Variants in AVEN observed in about 807,000 individuals in gnomAD.
The protein encoded by AVEN is cell death regulator Aven.
In AVEN, 41 loss-of-function variants were observed where a neutral mutation model predicts 38.1. The ratio of observed to expected loss-of-function variants is 1.08; its 90% CI spans 0.84 to 1.40. AVEN has a LOEUF of 1.40. Among genes scored for constraint, AVEN ranks in the 40% most tolerant of loss-of-function variants. The probability of loss-of-function intolerance (pLI) is 0.00; values close to 1 mark genes in which losing one functional copy is unlikely to be tolerated. For missense variants in AVEN, 605 were observed against 438.8 expected (o/e 1.38, Z -3.38); for synonymous variants, 206 against 171.8 (o/e 1.20, Z -1.56).
chr15:34,021,442 T>C (rs906472225), intron 1 of AVEN, among the ~76,000 whole-genome samples: 5 of 151,698 alleles, frequency 3.3e-5, no homozygotes, highest in Non-Finnish European at 7.4e-5. Context: ...CACACCACCA[T>C]GCCCAGCTAA....
rs2153017028 is a variant in AVEN, at chr15:33,860,794, T to G, written n.2730-1700A>C. ...ACGCAGTTTGTTTTCCATGCCCTGT[T>G]CTCTGCACCCTGCCATACCCCTGCC... On this transcript the variant is annotated intron_variant and non_coding_transcript_variant, in intron 11 of 11. Transcript: ENST00000675287. 4.1e-6 allele frequency: 3 copies of G among 739,374 alleles called. No homozygotes were observed. The South Asian group carries it at 5.5e-5, about 14-fold the overall frequency. The allele number at this position is 739,374 out of a possible 1,614,324, so 45.8% of individuals were successfully genotyped here.
chr15:33,942,448 C>CT (rs1296750160), intron 2 of AVEN, among the ~76,000 whole-genome samples: 10 of 149,476 alleles, frequency 6.7e-5, no homozygotes, highest in East Asian at 3.9e-4. Flanking sequence ...AGTTTTTTAT[C>CT]TTTTTTTTTT....
At chr15:33,953,165 T>C (rs1023642680) in intron 2 of AVEN, among the ~76,000 whole-genome samples, 1 of 152,200 alleles carries the variant, frequency 6.6e-6, no homozygotes. Context: ...GAACATTCCA[T>C]GCTCATGGAT....
chr15:33,985,848 G>A (rs1437399823), intron 2 of AVEN, among the ~76,000 whole-genome samples: 1 of 152,046 alleles, frequency 6.6e-6, no homozygotes, highest in African/African-American at 2.4e-5. Flanking sequence ...AAAAATAGAA[G>A]TTCAAGAAAT....
chr15:33,867,616 T>A lies in AVEN; in HGVS notation c.852A>T (p.Glu284Asp), dbSNP rs779889066. The A allele has an allele frequency of 6.2e-7, 1 of 1,614,220 alleles. No individual in the cohort carries two copies. Among genetic ancestry groups the A allele is most frequent in the Non-Finnish European group, 8.5e-7 (1 of 1,180,046 alleles). ...CTAAATTAAGCAACAGATCTAGTTCTTCTTCCAAATGGTCTCCTGCTGACT... is the reference window on the plus strand; with the variant it reads ...CTAAATTAAGCAACAGATCTAGTTCATCTTCCAAATGGTCTCCTGCTGACT... ...PLQSAGDHLE[E>D]ELDLLLNLDA... The change falls in exon 5 of 6, where the codon GAA (glutamate) becomes GAT (aspartate). Residue 284 changes from glutamate to aspartate, a missense_variant. Glu to Asp is a conservative substitution (Grantham distance 45). Coordinates refer to ENST00000306730, the MANE Select transcript of AVEN (RefSeq NM_020371.3).
chr15:33,987,405 A>G (rs1033276675), intron 2 of AVEN, among the ~76,000 whole-genome samples: 25 of 152,228 alleles, frequency 1.6e-4, no homozygotes, highest in Non-Finnish European at 1.5e-5. Context: ...AGAGAAAAAC[A>G]ATGGACAGCC....
At chr15:33,880,037 G>A (rs1891419552) in intron 2 of AVEN, among the ~76,000 whole-genome samples, 1 of 152,106 alleles carries the variant, frequency 6.6e-6, no homozygotes, top group South Asian at 2.1e-4. Context: ...GCACCTGAAG[G>A]TAGATTTTGG....
chr15:33,865,426 T>C, downstream of AVEN: 1 of 511,920 alleles, frequency 2.0e-6, no homozygotes, highest in Non-Finnish European at 3.5e-6. Context: ...GGAGAGAACC[T>C]GTCAAAATGT....
At chr15:33,937,516 G>C (rs915465708) in intron 2 of AVEN, among the ~76,000 whole-genome samples, 4 of 146,618 alleles carry the variant, frequency 2.7e-5, no homozygotes, top group Admixed American at 7.1e-5. Context: ...CTGGGCGACA[G>C]AGCGAGACTC....
At chr15:33,872,793 T>C (rs961160976) in intron 3 of AVEN, among the ~76,000 whole-genome samples, 1 of 152,108 alleles carries the variant, frequency 6.6e-6, no homozygotes, top group Non-Finnish European at 1.5e-5. Flanking sequence ...TTCCCACTCA[T>C]CCTCTCTTTA....
downstream of AVEN, chr15:33,865,299 T>TGAAGC: frequency 2.0e-6 from 2 of 1,006,960 alleles, no homozygotes; most frequent in African/African-American, 3.2e-5. Context: ...TTTACAGTTC[T>TGAAGC]GCAACATATC....
Position 33,875,964 on chromosome 15 carries a change from C to A in AVEN, c.477G>T (p.Glu159Asp). 2 of 1,613,580 alleles carry A rather than the reference C, an allele frequency of 1.2e-6. No homozygotes were observed. Among genetic ancestry groups the A allele is most frequent in the Non-Finnish European group, 1.7e-6 (2 of 1,179,982 alleles). The change falls in exon 3 of 6, where the codon GAG becomes GAT. Residue 159 changes from glutamate to aspartate, a missense_variant. Coordinates refer to ENST00000306730, the MANE Select transcript of AVEN (RefSeq NM_020371.3). The part of the protein sequence containing the change: ...GDSFSQFRFA[E>D]EKEWDSEASC... ...AAGCTTCACTATCCCATTCTTTCTC[C>A]TCAGCAAACCGGAACTGTGAGAATG...
intron 1 of AVEN, among the ~76,000 whole-genome samples, chr15:34,073,356 G>A (rs1456374014): frequency 1.3e-5 from 2 of 151,526 alleles, no homozygotes; most frequent in Non-Finnish European, 2.9e-5. Context: ...CGCCCGGCCT[G>A]TACAGACACT....
At chr15:34,072,317 TA>T (rs1448819353) in intron 1 of AVEN, among the ~76,000 whole-genome samples, 3 of 146,938 alleles carry the variant, frequency 2.0e-5, no homozygotes, top group African/African-American at 7.5e-5. Flanking sequence ...AATAAGCAAA[TA>T]AAAAATTACC....
At chr15:33,933,058 A>G (rs900497361) in intron 2 of AVEN, among the ~76,000 whole-genome samples, 7 of 152,198 alleles carry the variant, frequency 4.6e-5, no homozygotes, top group Non-Finnish European at 8.8e-5. Context: ...ATCCCATTCA[A>G]AAATGTTTGA....
chr15:33,998,708 T>C (rs1197518976), intron 2 of AVEN, among the ~76,000 whole-genome samples: 1 of 152,204 alleles, frequency 6.6e-6, no homozygotes, highest in African/African-American at 2.4e-5. Context: ...TTCATTGTCA[T>C]CAACTGCATT....
downstream of AVEN, chr15:33,858,083 G>C (rs2079893567): frequency 1.1e-6 from 1 of 903,536 alleles, no homozygotes; most frequent in African/African-American, 1.7e-5. Flanking sequence ...AAACAGGAGA[G>C]TGTCCTGGGA....
intron 2 of AVEN, among the ~76,000 whole-genome samples, chr15:33,905,708 C>T (rs1892673659): frequency 1.3e-5 from 2 of 151,936 alleles, no homozygotes; most frequent in Admixed American, 1.3e-4. Context: ...ACCTGTGGTC[C>T]CAGAGGGAGG....
intron 2 of AVEN, among the ~76,000 whole-genome samples, chr15:33,932,915 G>A (rs1893905960): frequency 6.6e-6 from 1 of 152,128 alleles, no homozygotes; most frequent in Non-Finnish European, 1.5e-5. Context: ...TATAGTGGGT[G>A]TCAGCATTTT....
Sources: gnomAD v4.1 joint callset for allele counts (sites outside exome capture counted in the v4.1 genomes callset) on GRCh38, gnomAD v4.1.1 for gene constraint, MANE v1.5 for transcripts, NCBI Gene and HGNC (gene_info 2026-07-23, HGNC 2026-07-21) for gene names.